ZNF462: variants seen among roughly 807,000 people sequenced by gnomAD.
ZNF462 encodes the protein zinc finger protein 462, also known as zinc finger PBX1-interacting protein.
ZNF462 carries 10 observed loss-of-function variants against 201.9 expected under a neutral mutation model. That is an observed-to-expected ratio of 0.05 (90% CI 0.03 to 0.08). ZNF462 has a LOEUF of 0.08. Ranked by LOEUF, ZNF462 falls within the 10% of genes least tolerant of loss-of-function variation. ZNF462 has a pLI of 1.00. For synonymous variants in ZNF462, 1,227 were observed against 1,193.3 expected, an observed-to-expected ratio of 1.03 and a Z score of -0.58; for missense variants, 2,523 against 3,168.3, an observed-to-expected ratio of 0.80 and a Z score of 4.89.
chr9:106,942,655 T>G (rs1050370588), intron 7 of ZNF462, among the ~76,000 whole-genome samples: 13 of 152,220 alleles, frequency 8.5e-5, no homozygotes, highest in Non-Finnish European at 1.2e-4. Context: ...AACACAGGAC[T>G]AGCTTTTATC....
intron 1 of ZNF462, among the ~76,000 whole-genome samples, chr9:106,903,394 G>C (rs1829142021): frequency 6.6e-6 from 1 of 152,074 alleles, no homozygotes; most frequent in Admixed American, 6.6e-5. Context: ...AATGGAATGT[G>C]TATTCTGCAG....
Position 107,009,168 on chromosome 9 carries a change from T to C in ZNF462, c.7190-377T>C, listed in dbSNP as rs1829772153. 1 of 181,400 alleles carries C rather than the reference T, an allele frequency of 5.5e-6. No individual in the cohort carries two copies. The highest frequency in any genetic ancestry group is 1.4e-4 in the East Asian group (1 of 7,178). The allele number at this position is 181,400 out of a possible 1,614,324, so 11.2% of individuals were successfully genotyped here. ...AAACCTGTGTCAAAAAGGAAATGAA[T>C]AGATGCTAGCCTGTGAGGCACTGAT... On this transcript the variant is annotated intron_variant, in intron 11 of 12. Coordinates refer to ENST00000277225, the MANE Select transcript of ZNF462 (RefSeq NM_021224.6). This position sits in a 1 kb window ranked among gnomAD's most constrained non-coding sequence, Gnocchi z 6.1.
At chr9:106,887,555 A>T (rs866637514) in intron 1 of ZNF462, among the ~76,000 whole-genome samples, 27 of 152,342 alleles carry the variant, frequency 1.8e-4, no homozygotes, top group Middle Eastern at 6.8e-3. Flanking sequence ...TCTTATAGCC[A>T]GAGAAGTCGA....
intron 1 of ZNF462, among the ~76,000 whole-genome samples, chr9:106,875,639 G>A (rs556490933): frequency 5.4e-4 from 82 of 152,216 alleles, no homozygotes; most frequent in African/African-American, 1.8e-3. Flanking sequence ...GTCATTACTA[G>A]GGACGTTGTT....
Position 106,989,956 on chromosome 9 carries a change from G to A in ZNF462, c.7056+5547G>A, listed in dbSNP as rs377693705. Among the ~76,000 whole-genome samples, 28 of 151,886 alleles carry A rather than the reference G, an allele frequency of 1.8e-4. No individual in the cohort carries two copies. The East Asian group carries it at 5.0e-3, about 27-fold the overall frequency. On this transcript the variant is annotated intron_variant, in intron 10 of 12. Transcript: ENST00000277225. ...CTTTTCTTGGTTAATCTTGCTAATG[G>A]TCTATCAATTTTATTTATCTTTTCA...
rs1265311596 is a variant in ZNF462, at chr9:106,902,440, G to C, written c.-30-20914G>C. On this transcript the variant is annotated intron_variant, in intron 1 of 12. Transcript: ENST00000277225. This position sits in a 1 kb window ranked among gnomAD's most constrained non-coding sequence, Gnocchi z 4.2. ...TAGAGTGCTGCTGGATTCATAGAATGAATTAGGGAGGGTTCTCTCTCTCTC... is the reference window on the plus strand; with the variant it reads ...TAGAGTGCTGCTGGATTCATAGAATCAATTAGGGAGGGTTCTCTCTCTCTC... Among the ~76,000 whole-genome samples, 1 of 152,032 alleles carries C rather than the reference G, an allele frequency of 6.6e-6. No homozygotes were observed. The highest frequency in any genetic ancestry group is 1.5e-5 in the Non-Finnish European group (1 of 67,986).
chr9:106,867,218 A>G (rs1827373879), intron 1 of ZNF462, among the ~76,000 whole-genome samples: 2 of 152,228 alleles, frequency 1.3e-5, no homozygotes, highest in African/African-American at 4.8e-5. Flanking sequence ...ATTTTTCTAG[A>G]CATACCCATT....
In ZNF462 at chr9:106,929,221, C is replaced by A. The variant is rs1163044796; in HGVS notation, c.5309C>A (p.Ser1770Tyr). Residue 1770 changes from serine to tyrosine, a missense_variant, in exon 3 of 13, where the codon TCC (serine) becomes TAC (tyrosine). Ser to Tyr is a moderately radical substitution (Grantham distance 144). Transcript: ENST00000277225. The surrounding 1 kb of genome is among the most constrained non-coding windows in gnomAD (Gnocchi z 8.7). ...LRRAVEKKKC[S>Y]LCSFQSFSKK... Reference sequence around the variant, plus strand: ...CGGGCAGTGGAGAAGAAAAAGTGCTCCTTGTGCTCTTTCCAGTCGTTCAGC... The same window carrying A: ...CGGGCAGTGGAGAAGAAAAAGTGCTACTTGTGCTCTTTCCAGTCGTTCAGC... 1 of 1,614,068 alleles carries A rather than the reference C, an allele frequency of 6.2e-7. No homozygotes were observed. Among genetic ancestry groups the A allele is most frequent in the African/African-American group, 1.3e-5 (1 of 74,926 alleles).
At chr9:106,995,423 C>T (rs1040477137) in intron 10 of ZNF462, 3 of 152,066 alleles carry the variant, frequency 2.0e-5, no homozygotes, top group South Asian at 2.1e-4. Flanking sequence ...TGCAACATAA[C>T]GTTATTGTTA....
chr9:106,973,910 C>T (rs144583108), intron 8 of ZNF462, among the ~76,000 whole-genome samples: 2 of 151,882 alleles, frequency 1.3e-5, no homozygotes, highest in African/African-American at 4.8e-5. Context: ...TGAACCCAGC[C>T]CAGGGCACAG....
intron 1 of ZNF462, among the ~76,000 whole-genome samples, chr9:106,871,288 G>A (rs892136299): frequency 2.0e-5 from 3 of 152,318 alleles, no homozygotes; most frequent in East Asian, 3.9e-4. Context: ...GAAAGGATAC[G>A]TGGATTAGCC....
Position 106,984,436 on chromosome 9 carries a change from C to T in ZNF462, c.7056+27C>T. Reference sequence around the variant, plus strand: ...TACTTACCAGGACTTCCTGCTCCCGCCTCAGCACACTTGTGGGGAGGGGCC... The same window carrying T: ...TACTTACCAGGACTTCCTGCTCCCGTCTCAGCACACTTGTGGGGAGGGGCC... On this transcript the variant is annotated intron_variant, in intron 10 of 12. Coordinates refer to ENST00000277225, the MANE Select transcript of ZNF462 (RefSeq NM_021224.6). The surrounding 1 kb of genome is among the most constrained non-coding windows in gnomAD (Gnocchi z 6.4). 2 of 1,585,334 alleles carry T rather than the reference C, an allele frequency of 1.3e-6. No individual in the cohort carries two copies. Among genetic ancestry groups the T allele is most frequent in the Non-Finnish European group, 1.7e-6 (2 of 1,163,532 alleles).
rs1395393340 is a variant in ZNF462 at position 106,885,075 on chromosome 9, C to T, written c.-31+21720C>T. Among the ~76,000 whole-genome samples, 1 of 152,158 alleles carries T rather than the reference C, an allele frequency of 6.6e-6. No individual in the cohort carries two copies. The highest frequency in any genetic ancestry group is 1.5e-5 in the Non-Finnish European group (1 of 68,016). ...CATAACCTTTCTAGAGAGATTTCTG[C>T]TTTAATCTCAATAAAAAGGAAAATG... On this transcript the variant is annotated intron_variant, in intron 1 of 12. Coordinates refer to ENST00000277225, the MANE Select transcript of ZNF462 (RefSeq NM_021224.6). The surrounding 1 kb of genome is among the most constrained non-coding windows in gnomAD (Gnocchi z 4.1).
At position 106,972,009 on chromosome 9, in the gene ZNF462, A is replaced by T. The variant is rs777409304; in HGVS notation, c.6432A>T (p.Ser2144=). 1.2e-6 allele frequency: 2 copies of T among 1,613,720 alleles called. No individual in the cohort carries two copies. The highest frequency in any genetic ancestry group is 2.2e-5 in the East Asian group (1 of 44,890). Residue 2144 remains serine (S), a synonymous_variant, in exon 8 of 13, where the codon TCA becomes TCT. Coordinates refer to ENST00000277225, the MANE Select transcript of ZNF462 (RefSeq NM_021224.6). This position sits in a 1 kb window ranked among gnomAD's most constrained non-coding sequence, Gnocchi z 4.8. ...ATTTTTCCCGTCTCTTCACAGACTC[A>T]TCATATTCAGAGCCCCCAGATGTTC... ...PAEEVEDSND[S]SYSEPPDVQQ...
chr9:106,877,863 T>G (rs182699331), intron 1 of ZNF462, among the ~76,000 whole-genome samples: 8 of 152,274 alleles, frequency 5.3e-5, no homozygotes, highest in African/African-American at 1.9e-4. Context: ...GGAGTAGAGA[T>G]GTAGCTGTGG....
chr9:106,910,397 T>C (rs1380435368), intron 1 of ZNF462, among the ~76,000 whole-genome samples: 15 of 149,984 alleles, frequency 1.0e-4, no homozygotes, highest in Non-Finnish European at 2.1e-4. Context: ...AATAACTCAT[T>C]TGTCTTCGAG....
At chr9:106,992,381 C>T (rs1828354911) in intron 10 of ZNF462, among the ~76,000 whole-genome samples, 1 of 152,054 alleles carries the variant, frequency 6.6e-6, no homozygotes, top group Admixed American at 6.6e-5. Flanking sequence ...ACTGGAATCT[C>T]ATACATTGCT....
At chr9:106,997,648 C>G (rs1828840436) in intron 10 of ZNF462, among the ~76,000 whole-genome samples, 1 of 152,180 alleles carries the variant, frequency 6.6e-6, no homozygotes, top group Non-Finnish European at 1.5e-5. Flanking sequence ...TGTAAGAAAT[C>G]GTAGAGACAA....
At chr9:106,949,632 C>T (rs563363559) in intron 7 of ZNF462, among the ~76,000 whole-genome samples, 30 of 152,158 alleles carry the variant, frequency 2.0e-4, no homozygotes, top group Non-Finnish European at 3.8e-4. Context: ...CTTTCTGCCA[C>T]CTCTTCAGAG....
Sources: gnomAD v4.1 joint callset for allele counts (sites outside exome capture counted in the v4.1 genomes callset) on GRCh38, gnomAD v4.1.1 for gene constraint, Gnocchi (gnomAD v3.1) non-coding constraint, MANE v1.5 for transcripts, NCBI Gene and HGNC (gene_info 2026-07-23, HGNC 2026-07-21) for gene names.